Variants in MCC observed in about 807,000 individuals in gnomAD.
MCC encodes MCC regulator of Wnt signaling pathway.
In MCC, 90 loss-of-function variants were observed where a neutral mutation model predicts 116.2. That is an observed-to-expected ratio of 0.77 (90% CI 0.65 to 0.92). MCC has a LOEUF of 0.92. Among genes scored for constraint, MCC ranks in the 40% least tolerant of loss-of-function variants. The pLI is 0.00. For synonymous variants in MCC, 578 were observed against 510.5 expected (o/e 1.13, Z -1.78); for missense variants, 1,516 against 1,312.2 (o/e 1.16, Z -2.40).
At chr5:113,278,622 A>G (rs895748169) in intron 3 of MCC, among the ~76,000 whole-genome samples, 3 of 152,320 alleles carry the variant, frequency 2.0e-5, no homozygotes. Context: ...CAGTGGAGGA[A>G]TAGCAAATGT....
intron 1 of MCC, among the ~76,000 whole-genome samples, chr5:113,444,637 G>A (rs1453694303): frequency 6.6e-6 from 1 of 152,128 alleles, no homozygotes; most frequent in Non-Finnish European, 1.5e-5. Flanking sequence ...CTCATTACTA[G>A]GTCTCAAAGG....
chr5:113,357,262 C>G (rs1421840627), intron 2 of MCC, among the ~76,000 whole-genome samples: 1 of 152,160 alleles, frequency 6.6e-6, no homozygotes, highest in African/African-American at 2.4e-5. Context: ...TTCATAATTA[C>G]TTATTTGGAA....
At chr5:113,327,553 A>ATATATATATATATATATATAT (rs1280568642) in intron 3 of MCC, among the ~76,000 whole-genome samples, 1 of 81,380 alleles carries the variant, frequency 1.2e-5, no homozygotes, top group Non-Finnish European at 2.7e-5. Flanking sequence ...CTCAAAAAAA[A>ATATATATATATATATATATAT]AAAAAAAAAT....
chr5:113,279,819 A>G lies in MCC; in HGVS notation c.627+60700T>C, dbSNP rs150680280. ...ATCAGAATTATTACTGTGCATCACT[A>G]AACAGTTTTGTTGTATTAAAGGCAA... On this transcript the variant is annotated intron_variant, in intron 3 of 18. Transcript: ENST00000408903. 2.6e-4 allele frequency among the ~76,000 whole-genome samples: 39 copies of G among 152,348 alleles called. 1 individual carries two copies. Among genetic ancestry groups the G allele is most frequent in the Admixed American group, 7.8e-4 (12 of 15,304 alleles).
intron 2 of MCC, among the ~76,000 whole-genome samples, chr5:113,366,452 T>G (rs1000282554): frequency 1.3e-5 from 2 of 152,184 alleles, no homozygotes; most frequent in Non-Finnish European, 2.9e-5. Flanking sequence ...TTTAATCACC[T>G]CCAAGGCAAT....
intron 1 of MCC, among the ~76,000 whole-genome samples, chr5:113,453,057 A>C (rs1221332592): frequency 3.3e-5 from 5 of 152,214 alleles, no homozygotes; most frequent in Admixed American, 2.0e-4. Context: ...ATTAATGTTA[A>C]TGGCAAAGAA....
intron 1 of MCC, among the ~76,000 whole-genome samples, chr5:113,460,211 T>C (rs769043180): frequency 4.8e-4 from 73 of 152,270 alleles, no homozygotes; most frequent in South Asian, 1.0e-3. Flanking sequence ...GGGAATATCA[T>C]ACATGAAGGG....
chr5:113,061,924 T>C (rs1352693766), intron 14 of MCC, among the ~76,000 whole-genome samples: 2 of 152,242 alleles, frequency 1.3e-5, no homozygotes, highest in Non-Finnish European at 2.9e-5. Flanking sequence ...AAAATTACTA[T>C]AATTATCATA....
In MCC at chr5:113,434,204, G is replaced by A. The variant is rs13185685; in HGVS notation, c.171-48992C>T. On this transcript the variant is annotated intron_variant, in intron 1 of 18. Coordinates refer to ENST00000408903, the MANE Select transcript of MCC (RefSeq NM_001085377.2). The surrounding 1 kb of genome is among the most constrained non-coding windows in gnomAD (Gnocchi z 4.2). ...TGTTGGAGTCGTCGTAGGGCATGGA[G>A]CCGCAGACCATGATGTAGAGGATCA... 248 of 1,614,136 alleles carry A rather than the reference G, an allele frequency of 1.5e-4. No individual in the cohort carries two copies. The highest frequency in any genetic ancestry group is 3.3e-4 in the Middle Eastern group (2 of 6,062).
Position 113,488,416 on chromosome 5 carries a change from C to A in MCC, c.-2G>T. 8 of 1,399,512 alleles carry A rather than the reference C, an allele frequency of 5.7e-6. No homozygotes were observed. Among genetic ancestry groups the A allele is most frequent in the East Asian group, 3.0e-5 (1 of 33,374 alleles). The allele number at this position is 1,399,512 out of a possible 1,614,324, so 86.7% of individuals were successfully genotyped here. Reference sequence around the variant, plus strand: ...CGCTGCCGCCGCGGCCGCCATCATGCGCCCGCTCCCTACTTGGGAGGAGGA... The same window carrying A: ...CGCTGCCGCCGCGGCCGCCATCATGAGCCCGCTCCCTACTTGGGAGGAGGA... On this transcript the variant is annotated 5_prime_UTR_variant, in exon 1 of 19. Coordinates refer to ENST00000408903, the MANE Select transcript of MCC (RefSeq NM_001085377.2).
intron 11 of MCC, among the ~76,000 whole-genome samples, chr5:113,072,922 T>C (rs1459956911): frequency 4.6e-5 from 7 of 152,280 alleles, no homozygotes; most frequent in Non-Finnish European, 8.8e-5. Context: ...ATTCTTGATT[T>C]CCCCTGAACC....
chr5:113,461,816 T>C (rs986350722), intron 1 of MCC, among the ~76,000 whole-genome samples: 4 of 148,420 alleles, frequency 2.7e-5, no homozygotes, highest in Non-Finnish European at 5.9e-5. Context: ...CAGATTATAG[T>C]AGAGATGTTC....
At chr5:113,093,966 A>T (rs1290345592) in intron 8 of MCC, among the ~76,000 whole-genome samples, 4 of 152,212 alleles carry the variant, frequency 2.6e-5, no homozygotes. Flanking sequence ...TGATTCCCAC[A>T]CTATAGAATG....
chr5:113,244,189 C>G (rs907196546), intron 3 of MCC, among the ~76,000 whole-genome samples: 3 of 152,262 alleles, frequency 2.0e-5, no homozygotes, highest in East Asian at 3.9e-4. Flanking sequence ...TCTCTCACCC[C>G]CAAATAGCAT....
At chr5:113,351,108 A>G (rs565534413) in intron 2 of MCC, among the ~76,000 whole-genome samples, 2 of 152,234 alleles carry the variant, frequency 1.3e-5, no homozygotes, top group East Asian at 3.9e-4. Flanking sequence ...TTGTACAACC[A>G]CTATGGAGAA....
intron 3 of MCC, among the ~76,000 whole-genome samples, chr5:113,175,954 C>G (rs117724219): frequency 4.6e-5 from 7 of 152,168 alleles, no homozygotes; most frequent in Admixed American, 2.0e-4. Context: ...CATCCTACCC[C>G]CTATGTACTG....
chr5:113,153,127 T>C (rs1489686623), intron 3 of MCC, among the ~76,000 whole-genome samples: 1 of 152,166 alleles, frequency 6.6e-6, no homozygotes, highest in African/African-American at 2.4e-5. Flanking sequence ...TACGCTATTA[T>C]ACCAACTCTT....
chr5:113,415,998 T>C (rs1237394892), intron 1 of MCC, among the ~76,000 whole-genome samples: 1 of 152,188 alleles, frequency 6.6e-6, no homozygotes, highest in Non-Finnish European at 1.5e-5. Flanking sequence ...TTCCCTGTTG[T>C]TTGTTAGTTT....
chr5:113,143,048 G>A (rs1232993159), intron 5 of MCC, among the ~76,000 whole-genome samples, 170 bp downstream of exon 5: 2 of 152,178 alleles, frequency 1.3e-5, no homozygotes, highest in African/African-American at 4.8e-5. Context: ...AAAGCAAAGA[G>A]AAATATACAC....
Sources: allele counts gnomAD v4.1 joint callset (sites outside exome capture counted in the v4.1 genomes callset), GRCh38; gene constraint gnomAD v4.1.1; non-coding constraint Gnocchi (gnomAD v3.1); transcripts MANE v1.5; gene names NCBI Gene and HGNC (gene_info 2026-07-23, HGNC 2026-07-21).